The following NLGN1 variants were observed in gnomAD, a reference collection of about 807,000 sequenced individuals.
The protein encoded by NLGN1 is neuroligin 1, also known as neuroligin-1.
A neutral mutation model predicts 65.5 loss-of-function variants in NLGN1; 12 were observed. That is an observed-to-expected ratio of 0.18 (90% CI 0.12 to 0.30). The LOEUF (loss-of-function observed/expected upper bound fraction) is 0.30, where lower values mean the gene tolerates loss of function less well. Among genes scored for constraint, NLGN1 ranks in the 10% least tolerant of loss-of-function variants. The pLI, the probability that NLGN1 is intolerant of heterozygous loss-of-function variation, is 1.00. For synonymous variants in NLGN1, 350 were observed against 359.5 expected (o/e 0.97, Z 0.30); for missense variants, 750 against 1,007.1 (o/e 0.74, Z 3.46).
At chr3:174,096,431 TAAAC>T (rs1310983858) in intron 4 of NLGN1, among the ~76,000 whole-genome samples, 2 of 151,924 alleles carry the variant, frequency 1.3e-5, no homozygotes, top group African/African-American at 2.4e-5. Flanking sequence ...GCATTTAACT[TAAAC>T]AATATAATCA....
intron 4 of NLGN1, among the ~76,000 whole-genome samples, chr3:174,045,552 T>C (rs1733374555): frequency 6.6e-6 from 1 of 152,116 alleles, no homozygotes; most frequent in Non-Finnish European, 1.5e-5. Context: ...AGCCAGACTA[T>C]ATTATGTCCC....
intron 2 of NLGN1, among the ~76,000 whole-genome samples, chr3:173,438,065 C>G (rs527838273): frequency 6.6e-6 from 1 of 151,916 alleles, no homozygotes; most frequent in African/African-American, 2.4e-5. Context: ...GGAAGTGAGT[C>G]CTGAAGGATT....
intron 3 of NLGN1, among the ~76,000 whole-genome samples, chr3:173,745,956 A>G (rs1252539155): frequency 2.6e-5 from 4 of 152,104 alleles, no homozygotes; most frequent in Non-Finnish European, 5.9e-5. Flanking sequence ...ACTGGTTTGC[A>G]ATCAGGACAC....
intron 4 of NLGN1, among the ~76,000 whole-genome samples, chr3:173,868,644 G>T (rs555780851): frequency 3.3e-5 from 5 of 152,216 alleles, no homozygotes; most frequent in African/African-American, 9.6e-5. Context: ...TGACTGCTTA[G>T]AAGTTCTAGG....
chr3:173,753,975 A>AATAATG (rs397709308), intron 3 of NLGN1, among the ~76,000 whole-genome samples: 1 of 146,064 alleles, frequency 6.8e-6, no homozygotes, highest in Non-Finnish European at 1.5e-5. Flanking sequence ...ATAATATAAT[A>AATAATG]TCTACTCAGT....
chr3:173,849,373 T>A (rs1474103434), intron 4 of NLGN1, among the ~76,000 whole-genome samples: 2 of 152,098 alleles, frequency 1.3e-5, no homozygotes, highest in Admixed American at 1.3e-4. Context: ...TATTGACTCT[T>A]TGAGAAACCA....
intron 2 of NLGN1, among the ~76,000 whole-genome samples, chr3:173,503,717 G>C (rs1159149375): frequency 1.3e-5 from 2 of 151,980 alleles, no homozygotes; most frequent in Non-Finnish European, 2.9e-5. Context: ...CCTGAAGATA[G>C]TTTATTAATT....
chr3:173,779,795 T>A (rs78619868), intron 3 of NLGN1, among the ~76,000 whole-genome samples: 1 of 152,278 alleles, frequency 6.6e-6, no homozygotes, highest in African/African-American at 2.4e-5. Context: ...ATAAGTCCCA[T>A]GCACTGGGTA....
At chr3:173,666,289 G>C (rs1761685382) in intron 3 of NLGN1, among the ~76,000 whole-genome samples, 1 of 151,994 alleles carries the variant, frequency 6.6e-6, no homozygotes, top group South Asian at 2.1e-4. Flanking sequence ...ATAAGCCTAA[G>C]TATCCTCCTT....
At chr3:173,707,265 G>C (rs1768186505) in intron 3 of NLGN1, among the ~76,000 whole-genome samples, 1 of 152,144 alleles carries the variant, frequency 6.6e-6, no homozygotes, top group Admixed American at 6.5e-5. Flanking sequence ...GAGTAATTTT[G>C]AGAAATGCAG....
intron 4 of NLGN1, among the ~76,000 whole-genome samples, chr3:174,129,459 A>C (rs1719703296): frequency 6.6e-6 from 1 of 152,006 alleles, no homozygotes; most frequent in South Asian, 2.1e-4. Flanking sequence ...GAAAAAATTT[A>C]CAATCACAAT....
chr3:173,829,769 T>C (rs1722131620), intron 4 of NLGN1, among the ~76,000 whole-genome samples: 3 of 152,178 alleles, frequency 2.0e-5, no homozygotes, highest in Admixed American at 2.0e-4. Flanking sequence ...TTCTCTCAAA[T>C]TCCTTTCATT....
chr3:173,850,161 T>A (rs1726613130), intron 4 of NLGN1, among the ~76,000 whole-genome samples: 1 of 152,152 alleles, frequency 6.6e-6, no homozygotes, highest in South Asian at 2.1e-4. Flanking sequence ...ATCAATTCTT[T>A]CATTAATACA....
intron 2 of NLGN1, among the ~76,000 whole-genome samples, chr3:173,486,000 G>A (rs974312365): frequency 6.6e-6 from 1 of 151,860 alleles, no homozygotes; most frequent in Non-Finnish European, 1.5e-5. Context: ...CCAGTGTAAT[G>A]TTGAGTAGTG....
chr3:173,830,009 G>GGTGT (rs1553863537), intron 4 of NLGN1, among the ~76,000 whole-genome samples: 1,439 of 60,476 alleles, frequency 0.024, 13 homozygotes, highest in African/African-American at 0.065. Context: ...GGGTAGTGTG[G>GGTGT]GGGGGGGAGG....
chr3:173,674,293 G>T (rs1182263717), intron 3 of NLGN1, among the ~76,000 whole-genome samples: 1 of 152,080 alleles, frequency 6.6e-6, no homozygotes, highest in East Asian at 1.9e-4. Context: ...CTAAAATTTT[G>T]TTATTTTATA....
chr3:173,971,425 A>T (rs1380493443), intron 4 of NLGN1, among the ~76,000 whole-genome samples: 1 of 151,812 alleles, frequency 6.6e-6, no homozygotes, highest in African/African-American at 2.4e-5. Context: ...AAAAGGAGAG[A>T]CAGAGGATGA....
intron 4 of NLGN1, among the ~76,000 whole-genome samples, chr3:173,981,336 T>C (rs1274802544): frequency 6.6e-6 from 1 of 152,164 alleles, no homozygotes; most frequent in Admixed American, 6.6e-5. Context: ...AATTTTCAAA[T>C]TGATAGTATT....
At chr3:173,630,881 C>T (rs1481783959) in intron 3 of NLGN1, among the ~76,000 whole-genome samples, 2 of 152,126 alleles carry the variant, frequency 1.3e-5, no homozygotes, top group Non-Finnish European at 2.9e-5. Context: ...AAAAGAGAGA[C>T]TCTTGGGAGA....
Sources: gnomAD v4.1 joint callset for allele counts (sites outside exome capture counted in the v4.1 genomes callset) on GRCh38, gnomAD v4.1.1 for gene constraint, MANE v1.5 for transcripts, NCBI Gene and HGNC (gene_info 2026-07-23, HGNC 2026-07-21) for gene names.